The following DCBLD1 variants were observed in gnomAD, a reference collection of about 807,000 sequenced individuals.
The protein encoded by DCBLD1 is discoidin, CUB and LCCL domain containing 1, also known as discoidin, CUB and LCCL domain-containing protein 1.
In DCBLD1, 57 loss-of-function variants were observed where a neutral mutation model predicts 71.5. The ratio of observed to expected loss-of-function variants is 0.80; its 90% CI spans 0.64 to 0.99. DCBLD1 has a LOEUF of 0.99. DCBLD1 is among the 50% of genes least tolerant of loss of function. DCBLD1 has a pLI of 0.00. For missense variants in DCBLD1, 891 were observed against 923.5 expected (o/e 0.96, Z 0.46); for synonymous variants, 380 against 363.8 (o/e 1.04, Z -0.51).
chr6:117,546,241 CACTT>C (rs1779261388), intron 14 of DCBLD1, among the ~76,000 whole-genome samples: 2 of 152,116 alleles, frequency 1.3e-5, no homozygotes, highest in Non-Finnish European at 1.5e-5. Context: ...AGTTTCTTGA[CACTT>C]AGTCTCAATT....
chr6:117,551,951 C>T (rs1779433975), downstream of DCBLD1, among the ~76,000 whole-genome samples: 1 of 152,032 alleles, frequency 6.6e-6, no homozygotes, highest in East Asian at 1.9e-4. Flanking sequence ...GTAGTGAGAC[C>T]TCCTCTCTAC....
downstream of DCBLD1, among the ~76,000 whole-genome samples, chr6:117,550,391 T>C (rs901837158): frequency 1.3e-5 from 2 of 152,184 alleles, no homozygotes; most frequent in Non-Finnish European, 2.9e-5. Context: ...TTTTTTGGTG[T>C]TTTGCAATAT....
intron 1 of DCBLD1, among the ~76,000 whole-genome samples, chr6:117,483,642 C>T (rs1416532095): frequency 1.3e-5 from 2 of 152,072 alleles, no homozygotes; most frequent in African/African-American, 4.8e-5. Context: ...CATATTAAAG[C>T]AGCAACCCCC....
At chr6:117,519,420 T>C (rs1331236925) in intron 2 of DCBLD1, among the ~76,000 whole-genome samples, 2 of 152,208 alleles carry the variant, frequency 1.3e-5, no homozygotes, top group Non-Finnish European at 2.9e-5. Context: ...CTTTTAACTT[T>C]AAAACTTCCC....
intron 2 of DCBLD1, among the ~76,000 whole-genome samples, chr6:117,513,714 A>AT (rs1778097958): frequency 6.6e-6 from 1 of 152,150 alleles, no homozygotes. Flanking sequence ...TGTGCATCCT[A>AT]TTTTTAGGAA....
At chr6:117,537,591 A>G (rs1778936020) in intron 7 of DCBLD1, among the ~76,000 whole-genome samples, 1 of 142,888 alleles carries the variant, frequency 7.0e-6, no homozygotes, top group African/African-American at 2.6e-5. Flanking sequence ...TTATTCCTCC[A>G]TACCCTTCAG....
intron 2 of DCBLD1, among the ~76,000 whole-genome samples, chr6:117,506,495 T>C (rs1343631359): frequency 6.6e-6 from 1 of 152,250 alleles, no homozygotes; most frequent in Non-Finnish European, 1.5e-5. Context: ...GTAGTGATGC[T>C]CAGAATTTGT....
intron 14 of DCBLD1, among the ~76,000 whole-genome samples, chr6:117,558,942 G>A (rs1779532592): frequency 6.6e-6 from 1 of 152,202 alleles, no homozygotes; most frequent in Non-Finnish European, 1.5e-5. Context: ...CCAAATTGCT[G>A]GACGCTAGCC....
chr6:117,530,149 A>G (rs1778667994), intron 5 of DCBLD1, among the ~76,000 whole-genome samples: 2 of 152,226 alleles, frequency 1.3e-5, no homozygotes, highest in South Asian at 4.1e-4. Flanking sequence ...CGAGGGAGAC[A>G]GGCCTGCATG....
rs1279497164 is a variant in DCBLD1, at chr6:117,548,353, A to G, written c.2062A>G (p.Thr688Ala). The change falls in exon 15 of 15, where the codon ACG becomes GCG. Residue 688 changes from threonine to alanine, a missense_variant. Thr to Ala is a moderately conservative substitution (Grantham distance 58). Coordinates refer to ENST00000338728, the MANE Select transcript of DCBLD1 (RefSeq NM_001366458.2). The part of the protein sequence containing the change: ...SGHPDSQKPP[T>A]HPGTSDSYSA... The stretch of plus-strand genomic sequence containing the variant: ...GCACCCTGACTCTCAGAAGCCCCCA[A>G]CGCATCCCGGGACGAGTGACAGCTA... 2 of 1,550,602 alleles carry G rather than the reference A, an allele frequency of 1.3e-6. No individual in the cohort carries two copies. The highest frequency in any genetic ancestry group is 1.2e-5 in the South Asian group (1 of 84,054).
At chr6:117,508,023 A>G (rs946967912) in intron 2 of DCBLD1, 2 of 152,142 alleles carry the variant, frequency 1.3e-5, no homozygotes, top group African/African-American at 2.4e-5. Flanking sequence ...AGGTTATTTC[A>G]AGCTGAAGTG....
intron 5 of DCBLD1, among the ~76,000 whole-genome samples, chr6:117,526,091 C>G (rs1778538877): frequency 6.6e-6 from 1 of 152,192 alleles, no homozygotes; most frequent in African/African-American, 2.4e-5. Context: ...TGTTGTGAAA[C>G]TGTTCTTAAA....
rs1176727806 is a variant in DCBLD1, at chr6:117,547,800, G to A, written c.1616-107G>A. 15 of 1,540,000 alleles carry A rather than the reference G, an allele frequency of 9.7e-6. No individual in the cohort carries two copies. The Admixed American group carries it at 1.4e-4, about 14-fold the overall frequency. On this transcript the variant is annotated intron_variant, in intron 14 of 14. Coordinates refer to ENST00000338728, the MANE Select transcript of DCBLD1 (RefSeq NM_001366458.2). Reference sequence around the variant, plus strand: ...GTGCCTGGGACACCTGAGGGCACCCGGGGGGAAAGTCAGTCACCACGACCT... The same window carrying A: ...GTGCCTGGGACACCTGAGGGCACCCAGGGGGAAAGTCAGTCACCACGACCT...
chr6:117,494,038 A>T (rs967068032), intron 1 of DCBLD1, among the ~76,000 whole-genome samples: 7 of 152,232 alleles, frequency 4.6e-5, no homozygotes, highest in African/African-American at 1.7e-4. Flanking sequence ...TATGGTTGTC[A>T]TGAAGGCTAA....
chr6:117,496,489 T>G (rs1777473980), intron 1 of DCBLD1, among the ~76,000 whole-genome samples: 2 of 152,176 alleles, frequency 1.3e-5, no homozygotes, highest in African/African-American at 2.4e-5. Flanking sequence ...GGAAAATCTG[T>G]TTGCCCTACC....
intron 14 of DCBLD1, among the ~76,000 whole-genome samples, chr6:117,564,029 T>C (rs548296428): frequency 4.6e-5 from 7 of 151,738 alleles, no homozygotes; most frequent in Non-Finnish European, 7.4e-5. Context: ...CCAGGCTGGA[T>C]TGCAGTGGCA....
chr6:117,483,974 C>T (rs992276199), intron 1 of DCBLD1, among the ~76,000 whole-genome samples: 4 of 152,006 alleles, frequency 2.6e-5, no homozygotes, highest in Admixed American at 6.6e-5. Context: ...TATTACATAC[C>T]AGTTTGTTTA....
intron 5 of DCBLD1, among the ~76,000 whole-genome samples, chr6:117,531,263 C>T (rs1309981684): frequency 2.0e-5 from 3 of 152,168 alleles, no homozygotes; most frequent in Non-Finnish European, 4.4e-5. Flanking sequence ...AGCTGCCTTT[C>T]TATGTTGGCA....
intron 4 of DCBLD1, among the ~76,000 whole-genome samples, chr6:117,522,406 C>T (rs12181707): frequency 0.02 from 3,090 of 152,072 alleles, 86 homozygotes; most frequent in African/African-American, 0.071. Flanking sequence ...GTCTAGAGAT[C>T]ATTGTCAACA....
Sources: allele counts gnomAD v4.1 joint callset (sites outside exome capture counted in the v4.1 genomes callset), GRCh38; gene constraint gnomAD v4.1.1; transcripts MANE v1.5; gene names NCBI Gene and HGNC (gene_info 2026-07-23, HGNC 2026-07-21).